Variants in MGAT4A observed in about 807,000 individuals in gnomAD.
MGAT4A encodes N-acetylglucosaminyltransferase IVa.
MGAT4A carries 33 observed loss-of-function variants against 74.1 expected under a neutral mutation model. The ratio of observed to expected loss-of-function variants is 0.45; its 90% CI spans 0.34 to 0.60. The LOEUF (loss-of-function observed/expected upper bound fraction) is 0.60. MGAT4A is among the 20% of genes least tolerant of loss of function. The pLI is 0.02. For missense variants in MGAT4A, 479 were observed against 628.3 expected, an observed-to-expected ratio of 0.76 and a Z score of 2.54; for synonymous variants, 198 against 210.4, an observed-to-expected ratio of 0.94 and a Z score of 0.51.
chr2:98,688,252 A>C (rs1265687645), intron 2 of MGAT4A, among the ~76,000 whole-genome samples: 2 of 152,148 alleles, frequency 1.3e-5, no homozygotes, highest in African/African-American at 4.8e-5. Context: ...TTTAAAACAA[A>C]AAAAAAGAAT....
chr2:98,698,346 G>A (rs1028165689), intron 2 of MGAT4A, among the ~76,000 whole-genome samples: 3 of 152,176 alleles, frequency 2.0e-5, no homozygotes, highest in Non-Finnish European at 4.4e-5. Flanking sequence ...GAACCCAGGT[G>A]GCAGAGGTTG....
intron 10 of MGAT4A, among the ~76,000 whole-genome samples, chr2:98,642,849 A>T (rs1184495783): frequency 6.6e-6 from 1 of 152,182 alleles, no homozygotes; most frequent in East Asian, 1.9e-4. Context: ...GTTTTTTAAA[A>T]TTTTTGTGGT....
chr2:98,688,982 T>C, intron 2 of MGAT4A, among the ~76,000 whole-genome samples: 1 of 152,198 alleles, frequency 6.6e-6, no homozygotes. Flanking sequence ...GTCCTAAGAA[T>C]TACTTTACAA....
rs751374501 is a variant in MGAT4A, at chr2:98,635,269, C to T, written c.1421G>A (p.Ser474Asn). The change falls in exon 14 of 16, where the codon AGC (serine) becomes AAC (asparagine). Residue 474 changes from serine (S) to asparagine (N), a missense_variant. Around this residue, in one of 3 missense-constraint regions of MGAT4A, gnomAD observed 236 missense variants for 308.2 expected, o/e 0.77. Coordinates refer to ENST00000393487, the MANE Select transcript of MGAT4A (RefSeq NM_012214.3). ...TAATCGTTTGTCTTTGGTTTCTTTG[C>T]TTATTTCCAAACCTTCACTCTAAAA... Reference protein sequence around the residue: ...LPFKSEGLEISKETKDKRLED... With the variant: ...LPFKSEGLEINKETKDKRLED... 1.2e-5 allele frequency: 20 copies of T among 1,608,518 alleles called. No homozygotes were observed. In the South Asian group the frequency reaches 1.4e-4, roughly 12 times the overall value.
chr2:98,659,274 A>C (rs1275268236), intron 5 of MGAT4A, among the ~76,000 whole-genome samples: 3 of 152,206 alleles, frequency 2.0e-5, no homozygotes, highest in African/African-American at 7.2e-5. Context: ...GCTAGCTGTA[A>C]GGACTGACAA....
intron 10 of MGAT4A, 36 bp from the exon 11 acceptor site, chr2:98,640,264 A>C: frequency 1.3e-6 from 2 of 1,517,058 alleles, no homozygotes; most frequent in Middle Eastern, 3.4e-4. Context: ...GTGTTGCATC[A>C]TAAAGTGAAA....
intron 2 of MGAT4A, among the ~76,000 whole-genome samples, chr2:98,705,891 G>A (rs1164726928): frequency 2.7e-5 from 4 of 147,538 alleles, no homozygotes; most frequent in African/African-American, 1.0e-4. Context: ...GCAGTGAGCC[G>A]AGATTGCGCC....
At chr2:98,678,680 T>C (rs1018925230) in intron 2 of MGAT4A, among the ~76,000 whole-genome samples, 1 of 152,124 alleles carries the variant, frequency 6.6e-6, no homozygotes, top group African/African-American at 2.4e-5. Flanking sequence ...TTAATGCCTA[T>C]TATTATTATG....
intron 2 of MGAT4A, among the ~76,000 whole-genome samples, chr2:98,725,380 C>T (rs1323668931): frequency 6.6e-6 from 1 of 151,934 alleles, no homozygotes; most frequent in Admixed American, 6.6e-5. Flanking sequence ...TGTAAACACA[C>T]ATCAGAAAAA....
intron 8 of MGAT4A, among the ~76,000 whole-genome samples, chr2:98,653,492 A>G (rs1477429842): frequency 6.6e-6 from 1 of 152,006 alleles, no homozygotes; most frequent in Non-Finnish European, 1.5e-5. Flanking sequence ...TGAAAGAGGG[A>G]ACATAACAAC....
intron 4 of MGAT4A, among the ~76,000 whole-genome samples, chr2:98,671,543 C>A (rs1276432537): frequency 2.0e-5 from 3 of 152,156 alleles, no homozygotes; most frequent in African/African-American, 4.8e-5. Context: ...ACTACAGTGA[C>A]CTTCTTTCAT....
At chr2:98,671,803 G>A (rs140023990) in intron 4 of MGAT4A, among the ~76,000 whole-genome samples, 47 of 151,886 alleles carry the variant, frequency 3.1e-4, no homozygotes, top group East Asian at 5.8e-4. Context: ...AATCACAAGC[G>A]TCTTTATGAA....
At chr2:98,692,393 T>C (rs545583718) in intron 2 of MGAT4A, among the ~76,000 whole-genome samples, 1 of 152,272 alleles carries the variant, frequency 6.6e-6, no homozygotes, top group East Asian at 1.9e-4. Flanking sequence ...TGTGAGCCAC[T>C]ACCCCTAGCC....
chr2:98,712,722 G>A (rs1005935240), intron 2 of MGAT4A, among the ~76,000 whole-genome samples: 1 of 152,204 alleles, frequency 6.6e-6, no homozygotes, highest in Non-Finnish European at 1.5e-5. Context: ...CATCTCAACT[G>A]TGGAGGGAAG....
At chr2:98,662,490 C>T (rs1258611489) in intron 5 of MGAT4A, among the ~76,000 whole-genome samples, 1 of 152,128 alleles carries the variant, frequency 6.6e-6, no homozygotes, top group African/African-American at 2.4e-5. Context: ...AGAACTAGAC[C>T]ATGTCCTAAA....
intron 2 of MGAT4A, among the ~76,000 whole-genome samples, chr2:98,710,065 A>T (rs1041076856): frequency 6.6e-6 from 1 of 152,178 alleles, no homozygotes; most frequent in Non-Finnish European, 1.5e-5. Context: ...ACCATTTCCC[A>T]AAAACAACAG....
At chr2:98,654,614 T>G (rs555804705) in intron 8 of MGAT4A, among the ~76,000 whole-genome samples, 57 of 151,954 alleles carry the variant, frequency 3.8e-4, no homozygotes, top group African/African-American at 9.9e-4. Flanking sequence ...GGTGGAAAAT[T>G]TTTCTACAAA....
chr2:98,727,542 C>A (rs1702784178), intron 1 of MGAT4A, among the ~76,000 whole-genome samples: 1 of 152,204 alleles, frequency 6.6e-6, no homozygotes, highest in Non-Finnish European at 1.5e-5. Context: ...GCCAGGCCCT[C>A]CAAGATGTGA....
At chr2:98,629,122 A>G (rs1701188321) in intron 14 of MGAT4A, among the ~76,000 whole-genome samples, 1 of 152,252 alleles carries the variant, frequency 6.6e-6, no homozygotes, top group Non-Finnish European at 1.5e-5. Flanking sequence ...TTCTTAGATC[A>G]CAGACTATTC....
Sources: gnomAD v4.1 joint callset for allele counts (sites outside exome capture counted in the v4.1 genomes callset) on GRCh38, gnomAD v4.1.1 for gene constraint, gnomAD v4.1.1 regional missense constraint, MANE v1.5 for transcripts, NCBI Gene and HGNC (gene_info 2026-07-23, HGNC 2026-07-21) for gene names.